STK3: variants seen among roughly 807,000 people sequenced by gnomAD.
STK3 encodes serine/threonine kinase 3.
A neutral mutation model predicts 58.0 loss-of-function variants in STK3; 41 were observed. That is an observed-to-expected ratio of 0.71 (90% CI 0.55 to 0.92). The LOEUF (loss-of-function observed/expected upper bound fraction) is 0.92. Ranked by LOEUF, STK3 falls within the 40% of genes least tolerant of loss-of-function variation. The pLI, the probability that STK3 is intolerant of heterozygous loss-of-function variation, is 0.00. For synonymous variants in STK3, 170 were observed against 191.0 expected (o/e 0.89, Z 0.91); for missense variants, 479 against 602.7 (o/e 0.79, Z 2.15).
intron 10 of STK3, among the ~76,000 whole-genome samples, chr8:98,520,626 C>T (rs1401809514): frequency 1.3e-5 from 2 of 151,814 alleles, no homozygotes; most frequent in Non-Finnish European, 2.9e-5. Context: ...GTCAAAACAA[C>T]TTTGGCTTAT....
intron 4 of STK3, among the ~76,000 whole-genome samples, chr8:98,745,416 A>C (rs749842984): frequency 6.6e-6 from 1 of 152,198 alleles, no homozygotes; most frequent in Non-Finnish European, 1.5e-5. Context: ...GTACTATTTG[A>C]AAGAGTTCCA....
chr8:98,467,122 C>T (rs936788009), intron 10 of STK3, among the ~76,000 whole-genome samples: 2 of 152,174 alleles, frequency 1.3e-5, no homozygotes, highest in African/African-American at 4.8e-5. Flanking sequence ...GCTCAGTAAG[C>T]ACCTTGCTGG....
chr8:98,372,085 C>T (rs910002135), intron 2 of STK3, among the ~76,000 whole-genome samples: 5 of 152,060 alleles, frequency 3.3e-5, no homozygotes, highest in Non-Finnish European at 5.9e-5. Context: ...AAGACAGAGG[C>T]AGAGGTTGGA....
chr8:98,611,699 A>G (rs991104470), intron 6 of STK3, among the ~76,000 whole-genome samples: 17 of 152,322 alleles, frequency 1.1e-4, no homozygotes, highest in Admixed American at 5.2e-4. Context: ...CACTGGCTAC[A>G]TATTAGAATC....
intron 6 of STK3, among the ~76,000 whole-genome samples, chr8:98,694,386 C>T (rs978736410): frequency 2.6e-5 from 4 of 151,708 alleles, no homozygotes; most frequent in Non-Finnish European, 4.4e-5. Context: ...TTTTAGGGTA[C>T]ATGTGCACAA....
intron 9 of STK3, among the ~76,000 whole-genome samples, chr8:98,535,072 T>A (rs962683966): frequency 1.3e-5 from 2 of 152,160 alleles, no homozygotes; most frequent in African/African-American, 4.8e-5. Context: ...CATAAATACA[T>A]CTGAAAACTT....
At chr8:98,350,569 C>G in the STK3 span, among the ~76,000 whole-genome samples, 21 of 152,130 alleles carry the variant, frequency 1.4e-4, no homozygotes, top group Non-Finnish European at 2.4e-4. Context: ...AAAGACATAC[C>G]TGAGACTGGG....
At chr8:98,473,331 A>AGCTTCTTTCTCTTGT (rs1252163964) in intron 10 of STK3, among the ~76,000 whole-genome samples, 1 of 152,134 alleles carries the variant, frequency 6.6e-6, no homozygotes, top group African/African-American at 2.4e-5. Context: ...CTACACAGTT[A>AGCTTCTTTCTCTTGT]GCTTCTTTCT....
intron 10 of STK3, among the ~76,000 whole-genome samples, chr8:98,522,337 T>C (rs150826333): frequency 6.6e-5 from 10 of 152,286 alleles, no homozygotes; most frequent in African/African-American, 2.2e-4. Context: ...ATTAACACCC[T>C]TTCTATTAGA....
intron 1 of STK3, among the ~76,000 whole-genome samples, chr8:98,443,197 G>C (rs1460934603): frequency 6.6e-6 from 1 of 152,170 alleles, no homozygotes; most frequent in Non-Finnish European, 1.5e-5. Flanking sequence ...TTTCAGGCCT[G>C]ACAATGTAGT....
intron 3 of STK3, among the ~76,000 whole-genome samples, chr8:98,426,218 G>GT (rs1298496318): frequency 1.3e-5 from 2 of 152,118 alleles, no homozygotes; most frequent in African/African-American, 4.8e-5. Context: ...GTACTACACT[G>GT]TACACAGCAC....
At chr8:98,576,383 C>T (rs1186819340) in intron 8 of STK3, among the ~76,000 whole-genome samples, 1 of 152,034 alleles carries the variant, frequency 6.6e-6, no homozygotes, top group Non-Finnish European at 1.5e-5. Flanking sequence ...CTATTTGGGG[C>T]CCCCTGCAAT....
intron 3 of STK3, among the ~76,000 whole-genome samples, chr8:98,874,659 C>T (rs1837500474): frequency 6.6e-6 from 1 of 152,002 alleles, no homozygotes; most frequent in South Asian, 2.1e-4. Context: ...CAAGTTCTCC[C>T]TCTGTCACCC....
At chr8:98,622,010 T>C (rs183433392) in intron 6 of STK3, among the ~76,000 whole-genome samples, 1 of 149,562 alleles carries the variant, frequency 6.7e-6, no homozygotes, top group Non-Finnish European at 1.5e-5. Flanking sequence ...ACGCCTGTAA[T>C]CCCAGTACTT....
chr8:98,852,141 C>CT lies in STK3; in HGVS notation c.110+31505dup, dbSNP rs869307934. 1.8e-3 allele frequency among the ~76,000 whole-genome samples: 259 copies of CT among 142,064 alleles called. 1 individual carries two copies. The highest frequency in any genetic ancestry group is 0.011 in the Middle Eastern group (3 of 284). The allele number at this position is 142,064 out of a possible 152,430, so 93.2% of individuals were successfully genotyped here. ...TTGCCTTTGGAGCTAAGCTAATTTT[C>CT]TTTTTTTTTTTTTGTAACAGAGTTT... On this transcript the variant is annotated intron_variant, in intron 3 of 12. Transcript: ENST00000523601.
chr8:98,575,069 T>C (rs1813288836), intron 8 of STK3, among the ~76,000 whole-genome samples: 1 of 152,104 alleles, frequency 6.6e-6, no homozygotes, highest in Non-Finnish European at 1.5e-5. Flanking sequence ...GGTCTTCAGA[T>C]TGAAAGGAAC....
chr8:98,834,194 A>G (rs1298098200), intron 3 of STK3, among the ~76,000 whole-genome samples: 5 of 152,220 alleles, frequency 3.3e-5, no homozygotes, highest in Non-Finnish European at 7.3e-5. Flanking sequence ...TAGCAAATCA[A>G]TAGCTTATGT....
At chr8:98,486,217 A>T (rs1053384881) in intron 10 of STK3, among the ~76,000 whole-genome samples, 2 of 152,230 alleles carry the variant, frequency 1.3e-5, no homozygotes, top group African/African-American at 2.4e-5. Flanking sequence ...TGTGGGGGAA[A>T]AAAAACTGTG....
chr8:98,587,207 T>A (rs1814708288), intron 7 of STK3, among the ~76,000 whole-genome samples: 1 of 152,124 alleles, frequency 6.6e-6, no homozygotes, highest in South Asian at 2.1e-4. Context: ...CAATTTTGGA[T>A]CTTTCCTGCT....
Sources: allele counts gnomAD v4.1 joint callset (sites outside exome capture counted in the v4.1 genomes callset), GRCh38; gene constraint gnomAD v4.1.1; transcripts MANE v1.5; gene names NCBI Gene and HGNC (gene_info 2026-07-23, HGNC 2026-07-21).